The following FRMPD4 variants were observed in gnomAD, a reference collection of about 807,000 sequenced individuals.
The protein encoded by FRMPD4 is FERM and PDZ domain-containing protein 4.
In FRMPD4, 22 loss-of-function variants were observed where a neutral mutation model predicts 94.1. That is an observed-to-expected ratio of 0.23 (90% CI 0.17 to 0.33). FRMPD4 has a LOEUF of 0.33. Ranked by LOEUF, FRMPD4 falls within the 10% of genes least tolerant of loss-of-function variation. The pLI is 1.00. For missense variants in FRMPD4, 1,111 were observed against 1,339.9 expected (o/e 0.83, Z 2.67); for synonymous variants, 631 against 548.6 (o/e 1.15, Z -2.10).
chrX:11,867,756 C>T (rs769125614), intron 2 of FRMPD4, among the ~76,000 whole-genome samples: 1 of 111,486 alleles, frequency 9.0e-6, no homozygotes, highest in Admixed American at 9.5e-5. Context: ...GGGGTTGCAG[C>T]TACCCCTGTG....
chrX:12,680,838 C>CT (rs2059963995), intron 5 of FRMPD4, among the ~76,000 whole-genome samples: 1 of 110,292 alleles, frequency 9.1e-6, no homozygotes, highest in African/African-American at 3.3e-5. Context: ...TTATTTGCCC[C>CT]TAAAGTAAAT....
chrX:11,971,283 C>T (rs943083741), intron 3 of FRMPD4, among the ~76,000 whole-genome samples: 4 of 112,361 alleles, frequency 3.6e-5, no homozygotes, highest in Non-Finnish European at 5.6e-5. Flanking sequence ...AGCATTCTGC[C>T]TAACATTATC....
chrX:11,989,795 A>T (rs2054454197), intron 3 of FRMPD4, among the ~76,000 whole-genome samples: 1 of 111,572 alleles, frequency 9.0e-6, no homozygotes. Flanking sequence ...TTAAAAATTA[A>T]AACATATATA....
intron 2 of FRMPD4, among the ~76,000 whole-genome samples, chrX:12,503,089 C>G (rs954840842): frequency 1.8e-5 from 2 of 111,943 alleles, no homozygotes; most frequent in Non-Finnish European, 3.8e-5. Flanking sequence ...ATTCATAAAT[C>G]TGGAACTTTG....
At chrX:11,855,948 G>A (rs1961835) in intron 1 of FRMPD4, among the ~76,000 whole-genome samples, 1,397 of 110,604 alleles carry the variant, frequency 0.013, 11 homozygotes, top group African/African-American at 0.043. Context: ...TAGTCTGTTC[G>A]TATGTTGCTA....
intron 13 of FRMPD4, among the ~76,000 whole-genome samples, chrX:12,709,235 A>G (rs1403001113): frequency 4.5e-5 from 5 of 111,629 alleles, no homozygotes; most frequent in African/African-American, 1.6e-4. Context: ...GGAAAGTTAA[A>G]TTCTACGAGC....
intron 1 of FRMPD4, among the ~76,000 whole-genome samples, chrX:11,824,003 T>C (rs2053426213): frequency 1.8e-5 from 2 of 111,998 alleles, no homozygotes; most frequent in Admixed American, 1.9e-4. Flanking sequence ...GGGACCATAG[T>C]TCTTATTCTG....
At chrX:12,119,779 TCGCAC>T (rs1423535774) in intron 3 of FRMPD4, among the ~76,000 whole-genome samples, 1 of 112,402 alleles carries the variant, frequency 8.9e-6, no homozygotes, top group Non-Finnish European at 1.9e-5. Context: ...AACCTTTCAT[TCGCAC>T]CGCAAAGCTA....
chrX:12,473,424 A>C (rs1338607779), intron 1 of FRMPD4, among the ~76,000 whole-genome samples: 1 of 110,123 alleles, frequency 9.1e-6, no homozygotes, highest in Admixed American at 9.5e-5. Context: ...CAAAATAACC[A>C]GCTAACATCA....
chrX:12,494,538 G>A lies in FRMPD4; in HGVS notation c.42-4142G>A, dbSNP rs891487215. On this transcript the variant is annotated intron_variant, in intron 1 of 16. Coordinates refer to ENST00000675598, the MANE Select transcript of FRMPD4 (RefSeq NM_001368397.1). ...TGACCTCACATTCCTTCTCCCCTAC[G>A]GCATCCCTTTTTCTGATACTGCCAT... is the stretch of plus-strand genomic sequence containing the variant. Among the ~76,000 whole-genome samples the A allele has an allele frequency of 1.1e-4, 12 of 111,257 alleles. No homozygotes were observed. The East Asian group carries it at 3.4e-3, about 31-fold the overall frequency.
intron 1 of FRMPD4, among the ~76,000 whole-genome samples, chrX:12,478,232 G>A (rs1282279199): frequency 1.8e-5 from 2 of 111,871 alleles, no homozygotes; most frequent in Non-Finnish European, 3.8e-5. Context: ...TGGTTTCCAT[G>A]TAGAGAGCAT....
At chrX:12,313,995 G>A (rs2055074500) in intron 1 of FRMPD4, among the ~76,000 whole-genome samples, 1 of 112,237 alleles carries the variant, frequency 8.9e-6, no homozygotes, top group South Asian at 3.7e-4. Context: ...AATAAAAGTT[G>A]TCTATAAACA....
chrX:12,395,007 A>C (rs1199644508), intron 1 of FRMPD4, among the ~76,000 whole-genome samples: 1 of 112,217 alleles, frequency 8.9e-6, no homozygotes, highest in Non-Finnish European at 1.9e-5. Flanking sequence ...GACTCAGAAA[A>C]GCCTGAATCC....
At chrX:12,619,752 G>A (rs2059270089) in intron 4 of FRMPD4, among the ~76,000 whole-genome samples, 1 of 112,173 alleles carries the variant, frequency 8.9e-6, no homozygotes, top group Non-Finnish European at 1.9e-5. Flanking sequence ...TTGTGACCAA[G>A]CTCCAGCCTC....
At chrX:12,002,649 A>G (rs934656722) in intron 3 of FRMPD4, among the ~76,000 whole-genome samples, 4 of 112,080 alleles carry the variant, frequency 3.6e-5, no homozygotes, top group South Asian at 3.7e-4. Context: ...TAGGTGCTCA[A>G]TAAATGTTTG....
chrX:12,163,953 G>T (rs1478617135), intron 1 of FRMPD4, among the ~76,000 whole-genome samples: 1 of 111,822 alleles, frequency 8.9e-6, no homozygotes, highest in Non-Finnish European at 1.9e-5. Context: ...AAGCAGTTTT[G>T]TGCATACACT....
chrX:12,475,381 C>T (rs1383420631), intron 1 of FRMPD4, among the ~76,000 whole-genome samples: 2 of 111,810 alleles, frequency 1.8e-5, no homozygotes, highest in Non-Finnish European at 3.8e-5. Flanking sequence ...AAACTGAAAG[C>T]ATTCCCTTTG....
At chrX:12,230,868 T>C (rs1171554769) in intron 1 of FRMPD4, among the ~76,000 whole-genome samples, 3 of 90,038 alleles carry the variant, frequency 3.3e-5, no homozygotes, top group African/African-American at 1.2e-4. Flanking sequence ...TACATATATA[T>C]TATATATAAT....
intron 1 of FRMPD4, among the ~76,000 whole-genome samples, chrX:12,440,131 A>G (rs1472070404): frequency 8.9e-6 from 1 of 111,957 alleles, no homozygotes; most frequent in Non-Finnish European, 1.9e-5. Flanking sequence ...AAATAAAAAT[A>G]CAGGATGCCA....
Sources: gnomAD v4.1 joint callset for allele counts (sites outside exome capture counted in the v4.1 genomes callset) on GRCh38, gnomAD v4.1.1 for gene constraint, MANE v1.5 for transcripts, NCBI Gene and HGNC (gene_info 2026-07-23, HGNC 2026-07-21) for gene names.